ANO1: variants seen among roughly 807,000 people sequenced by gnomAD.
ANO1 encodes anoctamin 1.
Under a neutral mutation model 124.0 loss-of-function variants are expected in ANO1, and 59 were observed. That is an observed-to-expected ratio of 0.48 (90% CI 0.39 to 0.59). ANO1 has a LOEUF of 0.59. ANO1 is among the 20% of genes least tolerant of loss of function. ANO1 has a pLI of 0.00. For missense variants in ANO1, 1,059 were observed against 1,328.0 expected, an observed-to-expected ratio of 0.80 and a Z score of 3.15; for synonymous variants, 529 against 532.0, an observed-to-expected ratio of 0.99 and a Z score of 0.08.
intron 1 of ANO1, among the ~76,000 whole-genome samples, chr11:69,997,654 G>T (rs1856297413): frequency 6.6e-6 from 1 of 152,236 alleles, no homozygotes; most frequent in Non-Finnish European, 1.5e-5. Flanking sequence ...TGGAGGAGGG[G>T]CCTGGTGGGA....
At chr11:70,055,389 C>A (rs1857418418) in intron 1 of ANO1, among the ~76,000 whole-genome samples, 1 of 151,938 alleles carries the variant, frequency 6.6e-6, no homozygotes, top group African/African-American at 2.4e-5. Context: ...ATTATTATAT[C>A]TTTCTGTTGA....
chr11:69,971,350 A>G, the ANO1 span, among the ~76,000 whole-genome samples: 3 of 152,174 alleles, frequency 2.0e-5, no homozygotes. Flanking sequence ...CTGCTAGGAC[A>G]GAGAGTTTTG....
At chr11:70,090,122 C>T (rs1565188395) in intron 2 of ANO1, among the ~76,000 whole-genome samples, 1 of 152,192 alleles carries the variant, frequency 6.6e-6, no homozygotes. Flanking sequence ...CCCGAGTTCA[C>T]GCCTTCTCCT....
At chr11:70,184,618 G>A (rs1026416106) in intron 24 of ANO1, among the ~76,000 whole-genome samples, 2 of 152,356 alleles carry the variant, frequency 1.3e-5, no homozygotes, top group East Asian at 1.9e-4. Context: ...GGGCCAGGCC[G>A]GCTGCCTGAC....
Position 70,022,680 on chromosome 11 carries a change from C to T in ANO1, c.58+36514C>T, listed in dbSNP as rs568135787. 5.9e-5 allele frequency among the ~76,000 whole-genome samples: 9 copies of T among 152,180 alleles called. No homozygotes were observed. In the South Asian group the frequency reaches 8.3e-4, roughly 14 times the overall value. On this transcript the variant is annotated intron_variant, in intron 1 of 27. Transcript: ENST00000531349. ...CAGCCTCACCTAGCTTGCTTTCCCC[C>T]AAATTTGAGTGTGTTCACTTAGTGG...
intron 1 of ANO1, among the ~76,000 whole-genome samples, chr11:70,084,107 G>C (rs1475877711): frequency 6.6e-6 from 1 of 152,168 alleles, no homozygotes; most frequent in Non-Finnish European, 1.5e-5. Context: ...GCAGTATGGG[G>C]AGGAGATGAG....
intron 1 of ANO1, among the ~76,000 whole-genome samples, chr11:70,052,553 T>C (rs111815130): frequency 3.9e-5 from 3 of 76,474 alleles, no homozygotes; most frequent in Admixed American, 1.4e-4. Flanking sequence ...TTTTTTTTTT[T>C]TTTTTTTTTT....
chr11:70,068,036 G>A (rs1175965690), intron 1 of ANO1, among the ~76,000 whole-genome samples: 1 of 152,286 alleles, frequency 6.6e-6, no homozygotes, highest in East Asian at 1.9e-4. Flanking sequence ...GAGGGGACAC[G>A]CTCCTGCCAG....
At chr11:70,075,857 C>T (rs1255464773), upstream of ANO1, among the ~76,000 whole-genome samples, 1 of 152,184 alleles carries the variant, frequency 6.6e-6, no homozygotes, top group Non-Finnish European at 1.5e-5. Context: ...ACAAAAAGGA[C>T]CCTGTAAACT....
chr11:70,106,978 G>A (rs1328714049), intron 5 of ANO1, among the ~76,000 whole-genome samples: 2 of 152,246 alleles, frequency 1.3e-5, no homozygotes, highest in African/African-American at 2.4e-5. Context: ...GATGTGGTGA[G>A]ATCCGTTCCA....
At chr11:70,042,315 T>C (rs1427552603) in intron 1 of ANO1, among the ~76,000 whole-genome samples, 1 of 152,096 alleles carries the variant, frequency 6.6e-6, no homozygotes, top group East Asian at 1.9e-4. Flanking sequence ...TGTCCAATCT[T>C]CCTTCCTAGA....
At chr11:69,972,916 C>T in the ANO1 span, among the ~76,000 whole-genome samples, 93,985 of 145,580 alleles carry the variant, frequency 0.65, 31,182 homozygotes, top group East Asian at 0.79. Context: ...CTTTTTCTTT[C>T]TTTTTTTTTT....
chr11:70,175,051 C>T (rs2048639216), intron 22 of ANO1, among the ~76,000 whole-genome samples: 1 of 151,648 alleles, frequency 6.6e-6, no homozygotes, highest in African/African-American at 2.4e-5. Context: ...CGTGTGTTTG[C>T]TCTGGCACCC....
intron 12 of ANO1, among the ~76,000 whole-genome samples, chr11:70,151,423 C>T (rs1427452846): frequency 1.3e-5 from 2 of 152,152 alleles, no homozygotes; most frequent in African/African-American, 2.4e-5. Flanking sequence ...TCTGGGTGGT[C>T]TCTTCCCTTG....
At chr11:70,095,158 A>G (rs2044793672) in intron 2 of ANO1, among the ~76,000 whole-genome samples, 1 of 151,378 alleles carries the variant, frequency 6.6e-6, no homozygotes, top group African/African-American at 2.4e-5. Flanking sequence ...TTGAGCCAAG[A>G]TCGCGCCACC....
chr11:70,127,576 A>T (rs1329013193), intron 10 of ANO1, among the ~76,000 whole-genome samples: 1 of 152,172 alleles, frequency 6.6e-6, no homozygotes, highest in African/African-American at 2.4e-5. Context: ...CATGCCTGTA[A>T]TGCCAACACA....
intron 1 of ANO1, among the ~76,000 whole-genome samples, chr11:70,029,799 G>A (rs908867901): frequency 5.3e-5 from 8 of 152,162 alleles, no homozygotes; most frequent in Admixed American, 3.3e-4. Flanking sequence ...CTGCCTCTTC[G>A]AGCTTCCCGG....
chr11:70,068,649 G>T (rs1278522060), intron 1 of ANO1, among the ~76,000 whole-genome samples: 1 of 152,128 alleles, frequency 6.6e-6, no homozygotes. Flanking sequence ...CAGCCCAAGA[G>T]AATACAATTA....
chr11:70,062,043 T>G, intron 1 of ANO1, among the ~76,000 whole-genome samples: 1 of 149,118 alleles, frequency 6.7e-6, no homozygotes, highest in East Asian at 2.0e-4. Context: ...AATAGAGAGG[T>G]GATTTTTTTC....
Sources: gnomAD v4.1 joint callset for allele counts (sites outside exome capture counted in the v4.1 genomes callset) on GRCh38, gnomAD v4.1.1 for gene constraint, MANE v1.5 for transcripts, NCBI Gene and HGNC (gene_info 2026-07-23, HGNC 2026-07-21) for gene names.